TMEM151A: variants seen among roughly 807,000 people sequenced by gnomAD.
The protein encoded by TMEM151A is transmembrane protein 151A.
In TMEM151A, 21 loss-of-function variants were observed where a neutral mutation model predicts 33.7. The observed-to-expected ratio is 0.62, with a 90% confidence interval of 0.44 to 0.90. The LOEUF (loss-of-function observed/expected upper bound fraction) is 0.90. Among genes scored for constraint, TMEM151A ranks in the 40% least tolerant of loss-of-function variants. The pLI, the probability that TMEM151A is intolerant of heterozygous loss-of-function variation, is 0.00. For synonymous variants in TMEM151A, 374 were observed against 330.3 expected, an observed-to-expected ratio of 1.13 and a Z score of -1.43; for missense variants, 704 against 697.7, an observed-to-expected ratio of 1.01 and a Z score of -0.10.
chr11:66,295,178 T>C lies in TMEM151A; in HGVS notation c.932T>C (p.Val311Ala). 3 of 1,586,974 alleles carry C rather than the reference T, an allele frequency of 1.9e-6. No individual in the cohort carries two copies. Among genetic ancestry groups the C allele is most frequent in the Non-Finnish European group, 2.6e-6 (3 of 1,170,286 alleles). Reference sequence around the variant, plus strand: ...GTGGCCGCCTATGGCACGGCTCACGTGCACTACCAGGTGGAGAAGCTCTTT... The same window carrying C: ...GTGGCCGCCTATGGCACGGCTCACGCGCACTACCAGGTGGAGAAGCTCTTT... ...RVVAAYGTAH[V>A]HYQVEKLFGA... Residue 311 changes from valine to alanine, a missense_variant, in exon 2 of 2, where the codon GTG (valine) becomes GCG (alanine). Physicochemically the swap from Val to Ala is moderately conservative, Grantham distance 64 (BLOSUM62 0). Coordinates refer to ENST00000327259, the MANE Select transcript of TMEM151A (RefSeq NM_153266.4).
At position 66,292,767 on chromosome 11, in the gene TMEM151A, A is replaced by AG. The variant is rs1346568413; in HGVS notation, c.75+683dup. Among the ~76,000 whole-genome samples, 1 of 147,520 alleles carries AG rather than the reference A, an allele frequency of 6.8e-6. No individual in the cohort carries two copies. The highest frequency in any genetic ancestry group is 2.2e-4 in the South Asian group (1 of 4,548). ...GGTGTGTGCGCCCTGTAGTCAGGTG[A>AG]GGGGCGAGTGGGTGCCTGGCTCGGG... On this transcript the variant is annotated intron_variant, in intron 1 of 1. Transcript: ENST00000327259. The surrounding 1 kb of genome is among the most constrained non-coding windows in gnomAD (Gnocchi z 4.7).
At position 66,295,603 on chromosome 11, in the gene TMEM151A, A is replaced by G. The variant is rs1172745586; in HGVS notation, c.1357A>G (p.Ile453Val). ...GGACGCCCTCTACTTCCCGGTGCTC[A>G]TTGTCCACGGAGACAGCGGCTGCCA... ...YEDALYFPVL[I>V]VHGDSGCQGD... The change falls in exon 2 of 2, where the codon ATT becomes GTT. Residue 453 changes from isoleucine to valine, a missense_variant. Physicochemically the swap from Ile to Val is conservative, Grantham distance 29. Transcript: ENST00000327259. 1.3e-6 allele frequency: 2 copies of G among 1,545,984 alleles called. No homozygotes were observed. Among genetic ancestry groups the G allele is most frequent in the Non-Finnish European group, 1.7e-6 (2 of 1,148,554 alleles).
chr11:66,293,648 A>G (rs548170281), intron 1 of TMEM151A, among the ~76,000 whole-genome samples: 9 of 152,242 alleles, frequency 5.9e-5, no homozygotes, highest in African/African-American at 1.7e-4. Context: ...CTGAGTCCCT[A>G]TGGAACAAGG....
chr11:66,291,899 C>A lies in TMEM151A; in HGVS notation c.-115C>A. The A allele has an allele frequency of 1.5e-6, 1 of 680,476 alleles. No homozygotes were observed. The highest frequency in any genetic ancestry group is 2.0e-6 in the Non-Finnish European group (1 of 492,400). The allele number at this position is 680,476 out of a possible 1,614,324, so 42.2% of individuals were successfully genotyped here. ...CGCTCGGGCTCGAGCTCCGCGCACT[C>A]CCTCCGCGGCCGCTGAGCCGAGCGG... On this transcript the variant is annotated 5_prime_UTR_variant, in exon 1 of 2. Transcript: ENST00000327259.
In TMEM151A at chr11:66,295,339, G is replaced by A; in HGVS notation, c.1093G>A (p.Val365Ile). ...GGTGCCCAGCTACTCGGAGGCCGTG[G>A]TCATGGGCGCGGGCTCGGGCGCCTA... is the stretch of plus-strand genomic sequence containing the variant. ...QLVPSYSEAV[V>I]MGAGSGAYLR... The change falls in exon 2 of 2, where the codon GTC becomes ATC. Residue 365 changes from valine to isoleucine, a missense_variant. Physicochemically the swap from Val to Ile is conservative, Grantham distance 29 (BLOSUM62 3). Around this residue, in one of 3 missense-constraint regions of TMEM151A, gnomAD observed 398 missense variants for 356.0 expected, o/e 1.12. Transcript: ENST00000327259. 1 of 1,587,326 alleles carries A rather than the reference G, an allele frequency of 6.3e-7. No homozygotes were observed. Among genetic ancestry groups the A allele is most frequent in the Non-Finnish European group, 8.6e-7 (1 of 1,168,372 alleles).
chr11:66,295,680 C>A lies in TMEM151A; in HGVS notation c.*27C>A. On this transcript the variant is annotated 3_prime_UTR_variant, in exon 2 of 2. Coordinates refer to ENST00000327259, the MANE Select transcript of TMEM151A (RefSeq NM_153266.4). ...ACCCCCCACGGCCCCCAGAGTGGCC[C>A]CCTCCCCACCATTCCACCATGGGCT... 1 of 1,445,346 alleles carries A rather than the reference C, an allele frequency of 6.9e-7. No homozygotes were observed. The highest frequency in any genetic ancestry group is 1.5e-5 in the South Asian group (1 of 68,124). 89.5% of individuals were successfully genotyped at this position (1,445,346 alleles called of 1,614,324 possible).
At position 66,294,893 on chromosome 11, in the gene TMEM151A, C is replaced by T; in HGVS notation, c.647C>T (p.Thr216Met). 2 of 1,536,636 alleles carry T rather than the reference C, an allele frequency of 1.3e-6. No homozygotes were observed. Among genetic ancestry groups the T allele is most frequent in the Non-Finnish European group, 1.7e-6 (2 of 1,145,670 alleles). The stretch of plus-strand genomic sequence containing the variant: ...GTGGGGCTGGCGGAGCACGCGGCCA[C>T]GCGGCTGCGCTTCACCAAGTGCTTC... ...ELVGLAEHAA[T>M]RLRFTKCFSF... The change falls in exon 2 of 2, where the codon ACG becomes ATG. Residue 216 changes from threonine (T) to methionine (M), a missense_variant. Coordinates refer to ENST00000327259, the MANE Select transcript of TMEM151A (RefSeq NM_153266.4).
At position 66,295,384 on chromosome 11, in the gene TMEM151A, T is replaced by C; in HGVS notation, c.1138T>C (p.Cys380Arg). Residue 380 changes from cysteine (C) to arginine (R), a missense_variant, in exon 2 of 2, where the codon TGC becomes CGC. This residue lies in a region of TMEM151A where 398 missense variants were observed against 356.0 expected (regional missense o/e 1.12). Coordinates refer to ENST00000327259, the MANE Select transcript of TMEM151A (RefSeq NM_153266.4). ...SGAYLRGCQR[C>R]RRSVSSNSLP... ...CGCCTACCTCAGAGGCTGCCAGCGCTGCCGCCGCTCTGTCAGCAGCAACTC... is the reference window on the plus strand; with the variant it reads ...CGCCTACCTCAGAGGCTGCCAGCGCCGCCGCCGCTCTGTCAGCAGCAACTC... The C allele has an allele frequency of 6.5e-7, 1 of 1,549,654 alleles. No homozygotes were observed. Among genetic ancestry groups the C allele is most frequent in the Admixed American group, 1.9e-5 (1 of 51,340 alleles).
chr11:66,293,701 C>T (rs768244344), intron 1 of TMEM151A, among the ~76,000 whole-genome samples: 1 of 152,204 alleles, frequency 6.6e-6, no homozygotes, highest in Non-Finnish European at 1.5e-5. Context: ...TATTTATTCC[C>T]ATGGCCAGAC....
In TMEM151A at chr11:66,294,321, G is replaced by C; in HGVS notation, c.76-1G>C. The C allele has an allele frequency of 6.2e-7, 1 of 1,606,436 alleles. No homozygotes were observed. The highest frequency in any genetic ancestry group is 8.5e-7 in the Non-Finnish European group (1 of 1,179,548). On this transcript the variant is annotated splice_acceptor_variant, in intron 1 of 1. Transcript: ENST00000327259. LOFTEE classifies it high-confidence loss of function. ...ACTTCCCTTTCTCTGCCCACCTGCA[G>C]CAGCGGCCCCTGAAACAGTCCCTGG...
In TMEM151A at chr11:66,295,247, C is replaced by A; in HGVS notation, c.1001C>A (p.Pro334Gln). The A allele has an allele frequency of 6.4e-7, 1 of 1,559,992 alleles. No individual in the cohort carries two copies. Among genetic ancestry groups the A allele is most frequent in the Admixed American group, 1.9e-5 (1 of 51,688 alleles). ...PPPGAVPSGP[P>Q]LSRVATVDFT... is the part of the protein sequence containing the mutation. ...CCGGGGGCCGTGCCCAGCGGGCCCCCGCTGTCCCGCGTGGCCACAGTGGAC... is the reference window on the plus strand; with the variant it reads ...CCGGGGGCCGTGCCCAGCGGGCCCCAGCTGTCCCGCGTGGCCACAGTGGAC... Residue 334 changes from proline (P) to glutamine (Q), a missense_variant, in exon 2 of 2, where the codon CCG becomes CAG. This residue lies in a region of TMEM151A where 398 missense variants were observed against 356.0 expected (regional missense o/e 1.12). Coordinates refer to ENST00000327259, the MANE Select transcript of TMEM151A (RefSeq NM_153266.4).
chr11:66,295,306 C>A lies in TMEM151A; in HGVS notation c.1060C>A (p.Arg354=). 1.3e-6 allele frequency: 2 copies of A among 1,584,420 alleles called. No homozygotes were observed. Among genetic ancestry groups the A allele is most frequent in the Non-Finnish European group, 1.7e-6 (2 of 1,165,974 alleles). ...GCTCGAGTGGCACATCTGCTCCAACCGGCAGCTGGTGCCCAGCTACTCGGA... is the reference window on the plus strand; with the variant it reads ...GCTCGAGTGGCACATCTGCTCCAACAGGCAGCTGGTGCCCAGCTACTCGGA... ...TELEWHICSN[R]QLVPSYSEAV... Residue 354 remains arginine (R), a synonymous_variant, in exon 2 of 2, where the codon CGG becomes AGG. Coordinates refer to ENST00000327259, the MANE Select transcript of TMEM151A (RefSeq NM_153266.4).
rs1454623957 is a variant in TMEM151A, at chr11:66,295,323, C to T, written c.1077C>T (p.Ser359=). Residue 359 remains serine (S), a synonymous_variant, in exon 2 of 2, where the codon AGC becomes AGT. Transcript: ENST00000327259. ...HICSNRQLVP[S]YSEAVVMGAG... is the part of the protein sequence containing the mutation. ...GCTCCAACCGGCAGCTGGTGCCCAG[C>T]TACTCGGAGGCCGTGGTCATGGGCG... 2 of 1,588,738 alleles carry T rather than the reference C, an allele frequency of 1.3e-6. No homozygotes were observed. The highest frequency in any genetic ancestry group is 1.7e-6 in the Non-Finnish European group (2 of 1,168,682).
rs1857487048 is a variant in TMEM151A at position 66,294,391 on chromosome 11, A to G, written c.145A>G (p.Thr49Ala). ...GTCGCACTGGAAGTGCCTGCTCCTC[A>G]CGCTGCTCATCCACGCCTGCGGGGC... ...RESHWKCLLLTLLIHACGAVV... is the reference protein window; with the variant it reads ...RESHWKCLLLALLIHACGAVV... Residue 49 changes from threonine (T) to alanine (A), a missense_variant, in exon 2 of 2, where the codon ACG becomes GCG. By Grantham distance (58) the Thr-to-Ala change is moderately conservative. Coordinates refer to ENST00000327259, the MANE Select transcript of TMEM151A (RefSeq NM_153266.4). 1 of 1,611,440 alleles carries G rather than the reference A, an allele frequency of 6.2e-7. No homozygotes were observed. The highest frequency in any genetic ancestry group is 1.3e-5 in the African/African-American group (1 of 74,878).
At chr11:66,294,209 C>G in intron 1 of TMEM151A, 113 bp from the exon 2 acceptor site, 1 of 1,485,896 alleles carries the variant, frequency 6.7e-7, no homozygotes, top group Middle Eastern at 1.8e-4. Flanking sequence ...TCAGTTTCCT[C>G]CTCTGTAAAA....
In TMEM151A at chr11:66,294,483, C is replaced by T; in HGVS notation, c.237C>T (p.Ala79=). ...RLVLGPEAAL[A]RGAGGPPPTY... is the part of the protein sequence containing the mutation. ...TCCTGGGGCCCGAGGCCGCCTTGGC[C>T]CGGGGAGCCGGGGGCCCGCCACCGA... Residue 79 remains alanine (A), a synonymous_variant, in exon 2 of 2, where the codon GCC becomes GCT. Transcript: ENST00000327259. 2 of 1,603,420 alleles carry T rather than the reference C, an allele frequency of 1.2e-6. No homozygotes were observed. The highest frequency in any genetic ancestry group is 1.7e-6 in the Non-Finnish European group (2 of 1,174,880).
At position 66,291,965 on chromosome 11, in the gene TMEM151A, CT is replaced by C. The variant is rs977696167; in HGVS notation, c.-48del. On this transcript the variant is annotated 5_prime_UTR_variant, in exon 1 of 2. Transcript: ENST00000327259. ...GCGTCGCAGCCCTCCGTGCTCCCCC[CT>C]ATCATGCCCGGTGCCCAGGCTGGGG... 6.8e-6 allele frequency: 10 copies of C among 1,461,346 alleles called. No individual in the cohort carries two copies. In the African/African-American group the frequency reaches 8.9e-5, roughly 13 times the overall value. 90.5% of individuals were successfully genotyped at this position (1,461,346 alleles called of 1,614,324 possible).
Position 66,295,808 on chromosome 11 carries a change from A to G in TMEM151A, c.*155A>G, listed in dbSNP as rs1857515521. 2 of 607,570 alleles carry G rather than the reference A, an allele frequency of 3.3e-6. No homozygotes were observed. Among genetic ancestry groups the G allele is most frequent in the Non-Finnish European group, 4.9e-6 (2 of 408,520 alleles). 37.6% of individuals were successfully genotyped at this position (607,570 alleles called of 1,614,324 possible). A position where few individuals can be genotyped will look rare whatever the true frequency, so the allele number is the denominator to read the frequency against. ...GGGTGGGGGTCCTTAAACAGACTAA[A>G]ATGCAGTTACCTGTGGTCATTTTGG... is the stretch of plus-strand genomic sequence containing the variant. On this transcript the variant is annotated 3_prime_UTR_variant, in exon 2 of 2. Coordinates refer to ENST00000327259, the MANE Select transcript of TMEM151A (RefSeq NM_153266.4).
intron 1 of TMEM151A, 57 bp from the exon 2 acceptor site, chr11:66,294,265 C>G (rs1857485053): frequency 6.3e-7 from 1 of 1,583,234 alleles, no homozygotes; most frequent in Non-Finnish European, 8.5e-7. Flanking sequence ...AGCAAAGTGG[C>G]AGGCCCCACT....
Sources: gnomAD v4.1 joint callset for allele counts (sites outside exome capture counted in the v4.1 genomes callset) on GRCh38, gnomAD v4.1.1 for gene constraint, gnomAD v4.1.1 regional missense constraint, Gnocchi (gnomAD v3.1) non-coding constraint, MANE v1.5 for transcripts, NCBI Gene and HGNC (gene_info 2026-07-23, HGNC 2026-07-21) for gene names.